The following SUZ12 variants were observed in gnomAD, a reference collection of about 807,000 sequenced individuals.
SUZ12 encodes SUZ12 polycomb repressive complex 2 subunit, also known as polycomb protein SUZ12.
Under a neutral mutation model 87.3 loss-of-function variants are expected in SUZ12, and 17 were observed. The observed-to-expected ratio is 0.19, with a 90% CI of 0.13 to 0.29. The LOEUF (loss-of-function observed/expected upper bound fraction) is 0.29, where lower values mean the gene tolerates loss of function less well. Ranked by LOEUF, SUZ12 falls within the 10% of genes least tolerant of loss-of-function variation. The probability of loss-of-function intolerance (pLI) is 1.00; values close to 1 mark genes in which losing one functional copy is unlikely to be tolerated. For synonymous variants in SUZ12, 253 were observed against 312.4 expected, an observed-to-expected ratio of 0.81 and a Z score of 2.01; for missense variants, 526 against 912.2, an observed-to-expected ratio of 0.58 and a Z score of 5.45.
intron 4 of SUZ12, among the ~76,000 whole-genome samples, chr17:31,962,623 C>G (rs1430926918): frequency 6.6e-6 from 1 of 152,214 alleles, no homozygotes; most frequent in African/African-American, 2.4e-5. Context: ...GCCTCACACT[C>G]TCTGTGAGAG....
rs150989844 is a variant in SUZ12 at position 31,981,856 on chromosome 17, A to G, written c.918-1143A>G. Among the ~76,000 whole-genome samples the G allele has an allele frequency of 1.3e-3, 203 of 152,328 alleles. 5 individuals carry two copies. The East Asian group carries it at 0.037, about 27-fold the overall frequency. ...AGTGGAGTAATTGTACATAGTTCAT[A>G]GCATTGTTGGGAAGATTAAATGAAC... is the stretch of plus-strand genomic sequence containing the variant. On this transcript the variant is annotated intron_variant, in intron 8 of 15. Transcript: ENST00000322652.
At chr17:31,954,944 T>A (rs2142140733) in intron 4 of SUZ12, among the ~76,000 whole-genome samples, 1 of 152,264 alleles carries the variant, frequency 6.6e-6, no homozygotes, top group Admixed American at 6.5e-5. Flanking sequence ...TCAAGGTAAT[T>A]TAAGGATGTT....
chr17:31,996,762 A>G (rs779958195), intron 14 of SUZ12, 36 bp from the exon 15 acceptor site: 7 of 1,392,770 alleles, frequency 5.0e-6, no homozygotes, highest in African/African-American at 1.5e-5. Flanking sequence ...TTCTTAAAAT[A>G]TGTGTTTAAT....
At chr17:31,972,964 A>G (rs1169441992) in intron 5 of SUZ12, among the ~76,000 whole-genome samples, 182 bp from the exon 6 acceptor site, 4 of 151,348 alleles carry the variant, frequency 2.6e-5, no homozygotes, top group African/African-American at 4.9e-5. Flanking sequence ...TACACTATAT[A>G]TAAAGGCTTT....
intron 9 of SUZ12, among the ~76,000 whole-genome samples, chr17:31,986,379 G>A (rs1013194036): frequency 6.6e-6 from 1 of 152,010 alleles, no homozygotes; most frequent in African/African-American, 2.4e-5. Context: ...ACCAGTGCTG[G>A]TCTAATAGAT....
In SUZ12 at chr17:31,960,179, A is replaced by G. The variant is rs139530695; in HGVS notation, c.456-5968A>G. Among the ~76,000 whole-genome samples, 824 of 152,100 alleles carry G rather than the reference A, an allele frequency of 5.4e-3. 6 individuals carry two copies. The highest frequency in any genetic ancestry group is 0.019 in the African/African-American group (792 of 41,508). On this transcript the variant is annotated intron_variant, in intron 4 of 15. Transcript: ENST00000322652. ...GAACAAACCACCTATGGAAGGGATC[A>G]TTGGTACACTTTATTCTAGTACATA...
chr17:31,966,325 T>G, intron 5 of SUZ12, 129 bp downstream of exon 5: 2 of 855,394 alleles, frequency 2.3e-6, no homozygotes, highest in Non-Finnish European at 1.8e-6. Flanking sequence ...GTTCTGATGT[T>G]TTTGAACTTT....
chr17:31,969,121 C>A (rs994289970), intron 5 of SUZ12, among the ~76,000 whole-genome samples: 1 of 151,988 alleles, frequency 6.6e-6, no homozygotes, highest in Non-Finnish European at 1.5e-5. Context: ...GGATTACAGG[C>A]GGGTGCCACC....
chr17:31,985,158 CAAAAAAAAAAAAA>C, intron 9 of SUZ12, among the ~76,000 whole-genome samples: 1 of 72,868 alleles, frequency 1.4e-5, no homozygotes, highest in South Asian at 4.6e-4. Flanking sequence ...GACTCTGTCT[CAAAAAAAAAAAAA>C]AAAAAAAAAA....
intron 4 of SUZ12, among the ~76,000 whole-genome samples, chr17:31,961,214 A>AC (rs1907692488): frequency 6.8e-6 from 1 of 147,340 alleles, no homozygotes; most frequent in Non-Finnish European, 1.5e-5. Context: ...CTCCGTCTCA[A>AC]AAAAAAAAAA....
At chr17:31,998,342 G>A (rs1910091156) in intron 15 of SUZ12, among the ~76,000 whole-genome samples, 1 of 152,072 alleles carries the variant, frequency 6.6e-6, no homozygotes. Flanking sequence ...GCCTCCCAAA[G>A]TGCTAGAATT....
Position 31,974,471 on chromosome 17 carries a change from G to A in SUZ12, c.592-1011G>A, listed in dbSNP as rs146124301. ...GAACCCGGGAGGCGGAGCTTGCAGC[G>A]AGCCGAGATCGCACAACTGCACTCC... On this transcript the variant is annotated intron_variant, in intron 6 of 15. Transcript: ENST00000322652. Among the ~76,000 whole-genome samples, 1,113 of 152,220 alleles carry A rather than the reference G, an allele frequency of 7.3e-3. 9 individuals are homozygous for A. Among genetic ancestry groups the A allele is most frequent in the African/African-American group, 0.025 (1,026 of 41,538 alleles).
At position 31,998,706 on chromosome 17, in the gene SUZ12, A is replaced by G; in HGVS notation, c.1923A>G (p.Glu641=). The stretch of plus-strand genomic sequence containing the variant: ...ATCATGCCTGTATGCTGTTTGTAGA[A>G]AATTATGGACAGAAAATAATTAAGA... ...QMNHACMLFV[E]NYGQKIIKKN... is the part of the protein sequence containing the mutation. Residue 641 remains glutamate (E), a synonymous_variant, in exon 16 of 16, where the codon GAA becomes GAG. Coordinates refer to ENST00000322652, the MANE Select transcript of SUZ12 (RefSeq NM_015355.4). The G allele has an allele frequency of 6.3e-7, 1 of 1,594,336 alleles. No homozygotes were observed. The highest frequency in any genetic ancestry group is 1.8e-5 in the Admixed American group (1 of 56,608).
chr17:31,978,999 G>A (rs543704677), intron 8 of SUZ12, among the ~76,000 whole-genome samples: 17 of 151,268 alleles, frequency 1.1e-4, no homozygotes, highest in African/African-American at 1.7e-4. Flanking sequence ...CCAGCTACTC[G>A]GGAGGCTGAG....
At chr17:31,979,489 A>G (rs1266904061) in intron 8 of SUZ12, among the ~76,000 whole-genome samples, 2 of 152,158 alleles carry the variant, frequency 1.3e-5, no homozygotes, top group Non-Finnish European at 2.9e-5. Flanking sequence ...TTCAATTTGG[A>G]ATAGTCCCCC....
In SUZ12 at chr17:31,976,621, T is replaced by C; in HGVS notation, c.917+7T>C. On this transcript the variant is annotated splice_region_variant and intron_variant, in intron 8 of 15. Coordinates refer to ENST00000322652, the MANE Select transcript of SUZ12 (RefSeq NM_015355.4). ...CAGTATTTGATAAAAACAGGTAATG[T>C]TGATGAACAAGTGAGGCTCCCACAA... The C allele has an allele frequency of 1.3e-6, 2 of 1,597,652 alleles. No individual in the cohort carries two copies. Among genetic ancestry groups the C allele is most frequent in the Non-Finnish European group, 1.7e-6 (2 of 1,167,440 alleles).
intron 9 of SUZ12, among the ~76,000 whole-genome samples, chr17:31,986,004 G>C (rs1192695539): frequency 6.6e-6 from 1 of 151,548 alleles, no homozygotes; most frequent in African/African-American, 2.4e-5. Context: ...GTCTCGCTCT[G>C]TCACCCAGAG....
chr17:31,947,855 G>A (rs533534676), intron 4 of SUZ12, among the ~76,000 whole-genome samples, 170 bp downstream of exon 4: 10 of 152,176 alleles, frequency 6.6e-5, no homozygotes, highest in Non-Finnish European at 1.5e-4. Flanking sequence ...TAGCATTCCT[G>A]GCAGAGAATA....
At chr17:31,954,008 G>A (rs1352244294) in intron 4 of SUZ12, among the ~76,000 whole-genome samples, 1 of 150,934 alleles carries the variant, frequency 6.6e-6, no homozygotes, top group Non-Finnish European at 1.5e-5. Context: ...CACCGAGCCC[G>A]GCTCATTTTT....
Sources: gnomAD v4.1 joint callset for allele counts (sites outside exome capture counted in the v4.1 genomes callset) on GRCh38, gnomAD v4.1.1 for gene constraint, MANE v1.5 for transcripts, NCBI Gene and HGNC (gene_info 2026-07-23, HGNC 2026-07-21) for gene names.